Variants in PCNX1 observed in about 807,000 individuals in gnomAD.
PCNX1 encodes pecanex 1, also known as pecanex-like protein 1.
PCNX1 carries 78 observed loss-of-function variants against 242.2 expected under a neutral mutation model. The ratio of observed to expected loss-of-function variants is 0.32; its 90% CI spans 0.27 to 0.39. The LOEUF (loss-of-function observed/expected upper bound fraction) is 0.39, where lower values mean the gene tolerates loss of function less well. Among genes scored for constraint, PCNX1 ranks in the 10% least tolerant of loss-of-function variants. PCNX1 has a pLI of 1.00. For synonymous variants in PCNX1, 1,024 were observed against 1,032.9 expected, an observed-to-expected ratio of 0.99 and a Z score of 0.17; for missense variants, 2,581 against 2,856.5, an observed-to-expected ratio of 0.90 and a Z score of 2.20.
At chr14:71,063,437 T>C (rs1187370407) in intron 26 of PCNX1, among the ~76,000 whole-genome samples, 3 of 152,184 alleles carry the variant, frequency 2.0e-5, no homozygotes, top group Non-Finnish European at 4.4e-5. Context: ...CACACAGCAA[T>C]TAGTATATAA....
intron 19 of PCNX1, among the ~76,000 whole-genome samples, chr14:71,036,742 C>T (rs17108941): frequency 1.6e-3 from 250 of 152,136 alleles, no homozygotes; most frequent in African/African-American, 5.7e-3. Context: ...ATTTCTGATT[C>T]GATTTTAATA....
At chr14:70,942,540 G>C (rs2057295225) in intron 1 of PCNX1, among the ~76,000 whole-genome samples, 1 of 152,162 alleles carries the variant, frequency 6.6e-6, no homozygotes, top group African/African-American at 2.4e-5. Flanking sequence ...TGCTTCAGCA[G>C]ATACCAGCTG....
At chr14:71,098,400 C>G (rs1293627355) in intron 30 of PCNX1, among the ~76,000 whole-genome samples, 1 of 152,062 alleles carries the variant, frequency 6.6e-6, no homozygotes, top group African/African-American at 2.4e-5. Flanking sequence ...TTGATTCATC[C>G]AGTCCATAAG....
intron 25 of PCNX1, among the ~76,000 whole-genome samples, chr14:71,056,466 A>G (rs2061184868): frequency 6.6e-6 from 1 of 152,164 alleles, no homozygotes; most frequent in Admixed American, 6.5e-5. Context: ...TAGAATTGAT[A>G]CAGCCATTTT....
chr14:70,948,929 G>GTACATATATGTACATATACACA (rs2057597175), intron 2 of PCNX1, among the ~76,000 whole-genome samples: 1 of 144,586 alleles, frequency 6.9e-6, no homozygotes, highest in South Asian at 2.2e-4. Flanking sequence ...GTGTATATAT[G>GTACATATATGTACATATACACA]TACATATATG....
At chr14:70,916,072 G>GA (rs1042890271) in intron 1 of PCNX1, among the ~76,000 whole-genome samples, 3 of 152,174 alleles carry the variant, frequency 2.0e-5, no homozygotes, top group African/African-American at 7.2e-5. Flanking sequence ...TGTTGAGAGT[G>GA]AAAGAGGAGG....
intron 31 of PCNX1, 95 bp downstream of exon 31, chr14:71,102,315 C>T: frequency 1.3e-6 from 1 of 790,612 alleles, no homozygotes. Context: ...CACTTTGGGC[C>T]CAGGCTGGAA....
rs370015347 is a variant in PCNX1, at chr14:71,076,319, T to C, written c.5237T>C (p.Ile1746Thr). 6.2e-7 allele frequency: 1 copy of C among 1,614,000 alleles called. No individual in the cohort carries two copies. Among genetic ancestry groups the C allele is most frequent in the South Asian group, 1.1e-5 (1 of 91,076 alleles). Reference sequence around the variant, plus strand: ...GTGGACCCGACCTTTAATCCAAACATTGATGAAGACTATGACCACCGACTG... The same window carrying C: ...GTGGACCCGACCTTTAATCCAAACACTGATGAAGACTATGACCACCGACTG... ...VDVDPTFNPN[I>T]DEDYDHRLAG... The change falls in exon 28 of 36, where the codon ATT (isoleucine) becomes ACT (threonine). Residue 1746 changes from isoleucine (I) to threonine (T), a missense_variant. Ile to Thr is a moderately conservative substitution (Grantham distance 89, BLOSUM62 -1). Coordinates refer to ENST00000304743, the MANE Select transcript of PCNX1 (RefSeq NM_014982.3).
intron 28 of PCNX1, among the ~76,000 whole-genome samples, chr14:71,080,285 A>G (rs1200708297): frequency 6.6e-6 from 1 of 152,178 alleles, no homozygotes; most frequent in Non-Finnish European, 1.5e-5. Context: ...GCCTTGCAGT[A>G]GAGTTTGAAG....
intron 24 of PCNX1, chr14:71,053,526 CAGG>C (rs2061098614): frequency 3.1e-6 from 1 of 317,782 alleles, no homozygotes; most frequent in Non-Finnish European, 6.1e-6. Context: ...CCATGTTGAC[CAGG>C]CTGGTCTTGA....
At position 70,988,683 on chromosome 14, in the gene PCNX1, A is replaced by T; in HGVS notation, c.2428A>T (p.Ile810Phe). 1 of 1,613,928 alleles carries T rather than the reference A, an allele frequency of 6.2e-7. No homozygotes were observed. The highest frequency in any genetic ancestry group is 8.5e-7 in the Non-Finnish European group (1 of 1,179,874). Residue 810 changes from isoleucine (I) to phenylalanine (F), a missense_variant, in exon 7 of 36, where the codon ATC (isoleucine) becomes TTC (phenylalanine). By Grantham distance (21) the Ile-to-Phe change is conservative. Around this residue, in one of 9 missense-constraint regions of PCNX1, gnomAD observed 1,204 missense variants for 1,216.7 expected, o/e 0.99. Transcript: ENST00000304743. ...GSNPTPPTLL[I>F]GSPLSLQDGQ... ...TAACCCTACCCCTCCTACATTGCTC[A>T]TCGGATCACCCCTAAGGTATGGTAT...
At chr14:70,915,318 G>A (rs928094016) in intron 1 of PCNX1, among the ~76,000 whole-genome samples, 2 of 152,034 alleles carry the variant, frequency 1.3e-5, no homozygotes, top group African/African-American at 4.8e-5. Flanking sequence ...ATAAGACCAT[G>A]TTTTAATTTA....
intron 5 of PCNX1, chr14:70,969,880 G>A (rs149545244): frequency 4.0e-4 from 61 of 152,320 alleles, no homozygotes; most frequent in Admixed American, 5.2e-4. Context: ...GTTGAGGCAC[G>A]AGAATCGCTT....
chr14:71,009,499 A>AT, intron 8 of PCNX1, 135 bp from the exon 9 acceptor site: 1 of 451,196 alleles, frequency 2.2e-6, no homozygotes, highest in Non-Finnish European at 3.9e-6. Context: ...CATGCAGATC[A>AT]TTGTTTTAAA....
intron 33 of PCNX1, among the ~76,000 whole-genome samples, chr14:71,105,952 T>C (rs2062605389): frequency 6.7e-6 from 1 of 149,428 alleles, no homozygotes. Flanking sequence ...TAAAACTTGA[T>C]AATTCAACAT....
chr14:70,969,140 A>G (rs1264593388), intron 5 of PCNX1, 30 bp downstream of exon 5: 4 of 1,301,464 alleles, frequency 3.1e-6, no homozygotes, highest in Non-Finnish European at 4.5e-6. Context: ...CCATGATGTC[A>G]TATACTGTGG....
chr14:71,047,847 C>A lies in PCNX1; in HGVS notation c.4201C>A (p.Leu1401Ile). The change falls in exon 22 of 36, where the codon CTA becomes ATA. Residue 1401 changes from leucine (L) to isoleucine (I), a missense_variant. By Grantham distance (5) the Leu-to-Ile change is conservative (BLOSUM62 2). This residue lies in a region of PCNX1 where 432 missense variants were observed against 443.1 expected (regional missense o/e 0.97). Transcript: ENST00000304743. ...GATCACTGTTGCTGGTTTGAAGTTGCTACGATCCTCTTTTAGCAGCCCTAC... is the reference window on the plus strand; with the variant it reads ...GATCACTGTTGCTGGTTTGAAGTTGATACGATCCTCTTTTAGCAGCCCTAC... ...LMITVAGLKL[L>I]RSSFSSPTYQ... 6.2e-7 allele frequency: 1 copy of A among 1,612,798 alleles called. No individual in the cohort carries two copies. The highest frequency in any genetic ancestry group is 8.5e-7 in the Non-Finnish European group (1 of 1,179,122).
chr14:71,068,418 A>ATATGTATATGTATATATG (rs1269175444), intron 26 of PCNX1, among the ~76,000 whole-genome samples: 1 of 148,976 alleles, frequency 6.7e-6, no homozygotes, highest in Non-Finnish European at 1.5e-5. Context: ...ATATGTATTT[A>ATATGTATATGTATATATG]TATGTATATG....
intron 28 of PCNX1, among the ~76,000 whole-genome samples, chr14:71,077,200 A>C (rs187786299): frequency 2.0e-5 from 3 of 152,138 alleles, no homozygotes; most frequent in African/African-American, 7.2e-5. Context: ...CAGCAACTAC[A>C]GCTTTCTTCT....
Sources: allele counts gnomAD v4.1 joint callset (sites outside exome capture counted in the v4.1 genomes callset), GRCh38; gene constraint gnomAD v4.1.1; regional missense constraint gnomAD v4.1.1; transcripts MANE v1.5; gene names NCBI Gene and HGNC (gene_info 2026-07-23, HGNC 2026-07-21).